The following ABTB3 variants were observed in gnomAD, a reference collection of about 807,000 sequenced individuals.
ABTB3 encodes the protein ankyrin repeat- and BTB/POZ domain-containing protein 3.
chr12:107,427,443 G>A, the ABTB3 span, among the ~76,000 whole-genome samples: 1 of 152,216 alleles, frequency 6.6e-6, no homozygotes, highest in South Asian at 2.1e-4. Flanking sequence ...AACATGCCTG[G>A]CTAATTTTTT....
the ABTB3 span, among the ~76,000 whole-genome samples, chr12:107,604,571 G>A: frequency 5.9e-5 from 9 of 152,126 alleles, no homozygotes; most frequent in African/African-American, 1.9e-4. Flanking sequence ...ATGAGATATC[G>A]CTTCACACCT....
the ABTB3 span, among the ~76,000 whole-genome samples, chr12:107,424,305 T>C: frequency 2.6e-5 from 4 of 152,288 alleles, no homozygotes; most frequent in Non-Finnish European, 4.4e-5. Context: ...AGGAAAACAG[T>C]GTCCCCTGCC....
the ABTB3 span, among the ~76,000 whole-genome samples, chr12:107,342,469 C>T: frequency 2.5e-4 from 38 of 152,152 alleles, no homozygotes; most frequent in Non-Finnish European, 5.9e-5. Flanking sequence ...TGTCCTGTTT[C>T]ATCCCCACTC....
the ABTB3 span, among the ~76,000 whole-genome samples, chr12:107,481,989 G>A: frequency 1.3e-5 from 2 of 150,684 alleles, no homozygotes; most frequent in African/African-American, 4.9e-5. Flanking sequence ...TAGGGAATAT[G>A]TCCATCCCTG....
chr12:107,354,155 G>T, the ABTB3 span, among the ~76,000 whole-genome samples: 1 of 152,132 alleles, frequency 6.6e-6, no homozygotes, highest in Non-Finnish European at 1.5e-5. Flanking sequence ...CTGCCTCTTT[G>T]AGAGCTAAAC....
the ABTB3 span, among the ~76,000 whole-genome samples, chr12:107,402,815 C>T: frequency 1.3e-5 from 2 of 152,200 alleles, no homozygotes; most frequent in Non-Finnish European, 2.9e-5. Flanking sequence ...TAAATTCCTC[C>T]TCTTTCTAGA....
chr12:107,355,401 G>C, the ABTB3 span, among the ~76,000 whole-genome samples: 1 of 152,240 alleles, frequency 6.6e-6, no homozygotes, highest in African/African-American at 2.4e-5. Flanking sequence ...GGAGCCCTGA[G>C]CCTTCAGTGT....
At chr12:107,388,004 G>A in the ABTB3 span, among the ~76,000 whole-genome samples, 10 of 123,692 alleles carry the variant, frequency 8.1e-5, no homozygotes, top group Non-Finnish European at 1.3e-4. Context: ...ACAGAGTCTC[G>A]CTCTGTTGCC....
the ABTB3 span, among the ~76,000 whole-genome samples, chr12:107,602,282 G>T: frequency 2.0e-5 from 3 of 152,222 alleles, no homozygotes; most frequent in East Asian, 5.8e-4. Context: ...ACTGGGTAAG[G>T]TCTACTGTGA....
At chr12:107,648,026 T>G in the ABTB3 span, among the ~76,000 whole-genome samples, 2 of 152,106 alleles carry the variant, frequency 1.3e-5, no homozygotes, top group African/African-American at 4.8e-5. Flanking sequence ...GTCCGTAGAT[T>G]TTGCCCACAC....
chr12:107,456,762 C>T, the ABTB3 span, among the ~76,000 whole-genome samples: 1 of 152,108 alleles, frequency 6.6e-6, no homozygotes, highest in Non-Finnish European at 1.5e-5. Flanking sequence ...GTAACTTGCT[C>T]AAGGTCACAC....
At chr12:107,541,093 A>G in the ABTB3 span, among the ~76,000 whole-genome samples, 1 of 152,224 alleles carries the variant, frequency 6.6e-6, no homozygotes, top group Non-Finnish European at 1.5e-5. Context: ...CCTCATTCCC[A>G]TAATCAACCC....
the ABTB3 span, among the ~76,000 whole-genome samples, chr12:107,607,689 A>G: frequency 1.3e-5 from 2 of 152,134 alleles, no homozygotes; most frequent in African/African-American, 2.4e-5. Context: ...GCGTCCCAGC[A>G]GCTCCCCCTG....
chr12:107,401,611 G>A, the ABTB3 span, among the ~76,000 whole-genome samples: 44 of 152,256 alleles, frequency 2.9e-4, no homozygotes, highest in Middle Eastern at 3.4e-3. Flanking sequence ...GATCTTGAGC[G>A]GATGCCCTGG....
chr12:107,550,604 A>G, the ABTB3 span, among the ~76,000 whole-genome samples: 1 of 145,206 alleles, frequency 6.9e-6, no homozygotes, highest in Admixed American at 6.9e-5. Flanking sequence ...TTTTTGAGAC[A>G]GAGTCTCAAT....
At chr12:107,367,441 G>A in the ABTB3 span, among the ~76,000 whole-genome samples, 4 of 151,908 alleles carry the variant, frequency 2.6e-5, no homozygotes, top group Non-Finnish European at 5.9e-5. Flanking sequence ...AGAAGTTCAC[G>A]GAAATTTTAT....
At chr12:107,531,585 C>A in the ABTB3 span, among the ~76,000 whole-genome samples, 2 of 152,156 alleles carry the variant, frequency 1.3e-5, no homozygotes, top group South Asian at 4.2e-4. Context: ...AGAGAGTGGC[C>A]TGCTATTTAG....
the ABTB3 span, among the ~76,000 whole-genome samples, chr12:107,375,154 C>G: frequency 6.6e-6 from 1 of 152,160 alleles, no homozygotes; most frequent in African/African-American, 2.4e-5. Context: ...CCGTGGCTCA[C>G]GTCTGTGATC....
the ABTB3 span, among the ~76,000 whole-genome samples, chr12:107,494,678 C>G: frequency 1.3e-5 from 2 of 152,200 alleles, no homozygotes; most frequent in Non-Finnish European, 2.9e-5. Flanking sequence ...GGCATCTCCT[C>G]CACTGCTCTG....
Sources: gnomAD v4.1 joint callset for allele counts (sites outside exome capture counted in the v4.1 genomes callset) on GRCh38, gnomAD v4.1.1 for gene constraint, MANE v1.5 for transcripts, NCBI Gene and HGNC (gene_info 2026-07-23, HGNC 2026-07-21) for gene names.